ATP1A3: variants seen among roughly 807,000 people sequenced by gnomAD.
The protein encoded by ATP1A3 is ATPase Na+/K+ transporting subunit alpha 3.
In ATP1A3, 12 loss-of-function variants were observed where a neutral mutation model predicts 108.8. That is an observed-to-expected ratio of 0.11 (90% CI 0.07 to 0.18). The LOEUF (loss-of-function observed/expected upper bound fraction) is 0.18, where lower values mean the gene tolerates loss of function less well. ATP1A3 is among the 10% of genes least tolerant of loss of function. ATP1A3 has a pLI of 1.00. For synonymous variants in ATP1A3, 539 were observed against 564.5 expected, an observed-to-expected ratio of 0.95 and a Z score of 0.64; for missense variants, 498 against 1,387.7, an observed-to-expected ratio of 0.36 and a Z score of 10.19.
Position 41,985,557 on chromosome 19 carries a change from G to T in ATP1A3, c.607-134C>A. 2.1e-6 allele frequency: 2 copies of T among 960,536 alleles called. No homozygotes were observed. The highest frequency in any genetic ancestry group is 1.5e-5 in the South Asian group (1 of 68,508). 59.5% of individuals were successfully genotyped at this position (960,536 alleles called of 1,614,324 possible). ...AAGCCTGGGTGCCCAGTGGGTGAGTGGTGTGTGGGAGGCCAGAGGCTGGGA... is the reference window on the plus strand; with the variant it reads ...AAGCCTGGGTGCCCAGTGGGTGAGTTGTGTGTGGGAGGCCAGAGGCTGGGA... On this transcript the variant is annotated intron_variant, in intron 6 of 22. Coordinates refer to ENST00000648268, the MANE Select transcript of ATP1A3 (RefSeq NM_152296.5). The surrounding 1 kb of genome is among the most constrained non-coding windows in gnomAD (Gnocchi z 8.2).
chr19:41,987,873 TG>T, intron 4 of ATP1A3, 62 bp downstream of exon 4: 1 of 1,579,212 alleles, frequency 6.3e-7, no homozygotes, highest in Non-Finnish European at 8.7e-7. Flanking sequence ...GGGAAGAAGT[TG>T]GGGTGCGGTG....
At position 41,994,190 on chromosome 19, in the gene ATP1A3, G is replaced by T; in HGVS notation, c.-114C>A. The T allele has an allele frequency of 9.7e-7, 1 of 1,031,910 alleles. No homozygotes were observed. The highest frequency in any genetic ancestry group is 3.2e-5 in the East Asian group (1 of 31,312). The allele number at this position is 1,031,910 out of a possible 1,614,324, so 63.9% of individuals were successfully genotyped here. A position where few individuals can be genotyped will look rare whatever the true frequency, so the allele number is the denominator to read the frequency against. On this transcript the variant is annotated 5_prime_UTR_variant, in exon 1 of 23. Coordinates refer to ENST00000648268, the MANE Select transcript of ATP1A3 (RefSeq NM_152296.5). ...AGCGCCCGCGCCTCGGTAGGTGCGC[G>T]CGTCCGTCCGTCCGTCCGTTGGTCC...
intron 4 of ATP1A3, among the ~76,000 whole-genome samples, chr19:41,987,022 G>T (rs527607708): frequency 6.6e-6 from 1 of 152,302 alleles, no homozygotes; most frequent in East Asian, 1.9e-4. Context: ...GGGATGACAG[G>T]CGTGAGCCAC....
rs34578730 is a variant in ATP1A3, at chr19:41,981,616, C to G, written c.1323G>C (p.Ala441=). ...TGCACTTGAGCAGGGCAGACTCAGA[C>G]GCATCCCCAGCCACATCCCTCTGCA... ...PVLKRDVAGD[A]SESALLKCIE... Residue 441 remains alanine, a synonymous_variant, in exon 11 of 23, where the codon GCG becomes GCC. Transcript: ENST00000648268. This position sits in a 1 kb window ranked among gnomAD's most constrained non-coding sequence, Gnocchi z 5.0. 6.2e-7 allele frequency: 1 copy of G among 1,614,194 alleles called. No individual in the cohort carries two copies. The highest frequency in any genetic ancestry group is 1.7e-5 in the Admixed American group (1 of 60,018).
Position 41,978,391 on chromosome 19 carries a change from G to A in ATP1A3, c.1631-65C>T, listed in dbSNP as rs1233934540. 2 of 1,541,940 alleles carry A rather than the reference G, an allele frequency of 1.3e-6. No individual in the cohort carries two copies. Among genetic ancestry groups the A allele is most frequent in the Non-Finnish European group, 1.8e-6 (2 of 1,139,784 alleles). On this transcript the variant is annotated intron_variant, in intron 12 of 22. Transcript: ENST00000648268. This position sits in a 1 kb window ranked among gnomAD's most constrained non-coding sequence, Gnocchi z 8.3. ...TCGGAACCTCCGCCCCATGCCCCTAGATGTCTGCATCGCCCGCATTCCATC... is the reference window on the plus strand; with the variant it reads ...TCGGAACCTCCGCCCCATGCCCCTAAATGTCTGCATCGCCCGCATTCCATC...
chr19:41,969,291 A>G (rs1007806638), intron 19 of ATP1A3, 144 bp downstream of exon 19: 14 of 1,388,778 alleles, frequency 1.0e-5, no homozygotes, highest in Non-Finnish European at 1.3e-5. Context: ...AAGGGCATCC[A>G]GGAAGCCCCA....
chr19:41,991,406 G>A lies in ATP1A3; in HGVS notation c.6+2665C>T, dbSNP rs535725407. On this transcript the variant is annotated intron_variant, in intron 1 of 22. Transcript: ENST00000648268. ...CACGCCAGCCCTGCAGCAGCACTGC[G>A]TCTCAGATGCGGAGGCACAGAGGCT... Among the ~76,000 whole-genome samples the A allele has an allele frequency of 2.3e-4, 35 of 152,330 alleles. No individual in the cohort carries two copies. In the East Asian group the frequency reaches 5.6e-3, roughly 24 times the overall value.
chr19:41,972,848 A>G, intron 16 of ATP1A3, among the ~76,000 whole-genome samples: 3 of 133,804 alleles, frequency 2.2e-5, no homozygotes, highest in African/African-American at 8.6e-5. Context: ...GAAGGAAGGA[A>G]GGAAGGAAGG....
At chr19:41,970,159 A>G (rs1252486480) in intron 18 of ATP1A3, 26 bp downstream of exon 18, 4 of 1,614,196 alleles carry the variant, frequency 2.5e-6, no homozygotes, top group Non-Finnish European at 3.4e-6. Context: ...CTGGGTGGTA[A>G]GGAGATGGAG....
intron 16 of ATP1A3, among the ~76,000 whole-genome samples, chr19:41,972,779 G>A (rs367841200): frequency 8.6e-4 from 127 of 146,964 alleles, no homozygotes; most frequent in African/African-American, 3.1e-3. Flanking sequence ...GGGGAGGGGA[G>A]GGGAGGGGGA....
rs1555860778 is a variant in ATP1A3 at position 41,975,611 on chromosome 19, C to T, written c.2263+18G>A. ...CGGTAGTGACCCTGGTCTCCAGGGC[C>T]ACCCCTGGCCAACTCACCCTCCTCC... is the stretch of plus-strand genomic sequence containing the variant. On this transcript the variant is annotated intron_variant, in intron 16 of 22. Coordinates refer to ENST00000648268, the MANE Select transcript of ATP1A3 (RefSeq NM_152296.5). 1 of 1,613,858 alleles carries T rather than the reference C, an allele frequency of 6.2e-7. No individual in the cohort carries two copies. The highest frequency in any genetic ancestry group is 1.1e-5 in the South Asian group (1 of 91,060).
Position 41,978,462 on chromosome 19 carries a change from C to T in ATP1A3, c.1631-136G>A. The T allele has an allele frequency of 6.8e-7, 1 of 1,472,160 alleles. No individual in the cohort carries two copies. Among genetic ancestry groups the T allele is most frequent in the Non-Finnish European group, 9.3e-7 (1 of 1,078,276 alleles). The allele number at this position is 1,472,160 out of a possible 1,614,324, so 91.2% of individuals were successfully genotyped here. On this transcript the variant is annotated intron_variant, in intron 12 of 22. Transcript: ENST00000648268. The surrounding 1 kb of genome is among the most constrained non-coding windows in gnomAD (Gnocchi z 8.3). ...AGTCAGCATTCATTTCCTAGGATAC[C>T]TTCCCCTCTCATCCATCCATTCATT...
chr19:41,986,004 G>A lies in ATP1A3; in HGVS notation c.472-6C>T, dbSNP rs782312174. ...TCCCGGATCACCAGGGCTTGCTGAG[G>A]TGGGATGGAGTAATGTCACCTCCCA... On this transcript the variant is annotated splice_region_variant and splice_polypyrimidine_tract_variant and intron_variant, in intron 5 of 22. Coordinates refer to ENST00000648268, the MANE Select transcript of ATP1A3 (RefSeq NM_152296.5). 2.5e-6 allele frequency: 4 copies of A among 1,614,178 alleles called. No homozygotes were observed. The highest frequency in any genetic ancestry group is 1.1e-5 in the South Asian group (1 of 91,090).
In ATP1A3 at chr19:41,978,853, C is replaced by T. The variant is rs1555862398; in HGVS notation, c.1438-55G>A. ...GAGCCACGCAGACACCAGGAAGCTC[C>T]CTGCCCCATCCTGTCCCCTGTCCAG... On this transcript the variant is annotated intron_variant, in intron 11 of 22. Coordinates refer to ENST00000648268, the MANE Select transcript of ATP1A3 (RefSeq NM_152296.5). The surrounding 1 kb of genome is among the most constrained non-coding windows in gnomAD (Gnocchi z 8.3). 1.3e-6 allele frequency: 2 copies of T among 1,581,288 alleles called. No individual in the cohort carries two copies. The highest frequency in any genetic ancestry group is 2.2e-5 in the East Asian group (1 of 44,606).
chr19:41,967,220 C>A lies in ATP1A3; in HGVS notation c.3013+29G>T, dbSNP rs781823977. The A allele has an allele frequency of 3.7e-6, 6 of 1,613,926 alleles. No individual in the cohort carries two copies. The highest frequency in any genetic ancestry group is 5.1e-6 in the Non-Finnish European group (6 of 1,179,928). On this transcript the variant is annotated intron_variant, in intron 22 of 22. Transcript: ENST00000648268. This position sits in a 1 kb window ranked among gnomAD's most constrained non-coding sequence, Gnocchi z 4.2. ...CCTGAGACCCTGCTGCCCCCCGCCCCCCTCGGCTGCCTTGCCGAGCTCCCT... is the reference window on the plus strand; with the variant it reads ...CCTGAGACCCTGCTGCCCCCCGCCCACCTCGGCTGCCTTGCCGAGCTCCCT...
At position 41,985,545 on chromosome 19, in the gene ATP1A3, C is replaced by A; in HGVS notation, c.607-122G>T. 1 of 1,048,186 alleles carries A rather than the reference C, an allele frequency of 9.5e-7. No individual in the cohort carries two copies. The highest frequency in any genetic ancestry group is 1.4e-5 in the South Asian group (1 of 72,000). 64.9% of individuals were successfully genotyped at this position (1,048,186 alleles called of 1,614,324 possible). On this transcript the variant is annotated intron_variant, in intron 6 of 22. Coordinates refer to ENST00000648268, the MANE Select transcript of ATP1A3 (RefSeq NM_152296.5). This position sits in a 1 kb window ranked among gnomAD's most constrained non-coding sequence, Gnocchi z 8.2. Reference sequence around the variant, plus strand: ...GATCACAGCTAGAAGCCTGGGTGCCCAGTGGGTGAGTGGTGTGTGGGAGGC... The same window carrying A: ...GATCACAGCTAGAAGCCTGGGTGCCAAGTGGGTGAGTGGTGTGTGGGAGGC...
At chr19:41,983,558 G>T (rs1555864177) in intron 8 of ATP1A3, among the ~76,000 whole-genome samples, 1 of 147,342 alleles carries the variant, frequency 6.8e-6, no homozygotes, top group East Asian at 2.0e-4. Context: ...AGCAGCCAGA[G>T]AAAAAATTTT....
At position 41,988,280 on chromosome 19, in the gene ATP1A3, C is replaced by G. The variant is rs1361772009; in HGVS notation, c.153+38G>C. 6.2e-7 allele frequency: 1 copy of G among 1,613,878 alleles called. No homozygotes were observed. Among genetic ancestry groups the G allele is most frequent in the Non-Finnish European group, 8.5e-7 (1 of 1,179,882 alleles). On this transcript the variant is annotated intron_variant, in intron 3 of 22. Transcript: ENST00000648268. This position sits in a 1 kb window ranked among gnomAD's most constrained non-coding sequence, Gnocchi z 5.3. ...GGGTCCTAGCCCCCAGCTCCTCCTC[C>G]CTAGTTCCCAGGGTCCCAGCCCACA...
In ATP1A3 at chr19:41,981,622, C is replaced by T; in HGVS notation, c.1317G>A (p.Gly439=). The change falls in exon 11 of 23, where the codon GGG becomes GGA. Residue 439 remains glycine (G), a synonymous_variant. Transcript: ENST00000648268. This position sits in a 1 kb window ranked among gnomAD's most constrained non-coding sequence, Gnocchi z 5.0. ...TGAGCAGGGCAGACTCAGACGCATC[C>T]CCAGCCACATCCCTCTGCAAGGAGA... ...NIPVLKRDVA[G]DASESALLKC... The T allele has an allele frequency of 6.2e-7, 1 of 1,614,176 alleles. No individual in the cohort carries two copies. Among genetic ancestry groups the T allele is most frequent in the Non-Finnish European group, 8.5e-7 (1 of 1,180,040 alleles).
Sources: allele counts gnomAD v4.1 joint callset (sites outside exome capture counted in the v4.1 genomes callset), GRCh38; gene constraint gnomAD v4.1.1; non-coding constraint Gnocchi (gnomAD v3.1); transcripts MANE v1.5; gene names NCBI Gene and HGNC (gene_info 2026-07-23, HGNC 2026-07-21).